Variants in ADAM18 observed in about 807,000 individuals in gnomAD.
ADAM18 encodes the protein disintegrin and metalloproteinase domain-containing protein 18.
Under a neutral mutation model 94.4 loss-of-function variants are expected in ADAM18, and 117 were observed. That is an observed-to-expected ratio of 1.24 (90% CI 1.07 to 1.45). The LOEUF (loss-of-function observed/expected upper bound fraction) is 1.45. ADAM18 is among the 40% of genes most tolerant of loss of function. The pLI is 0.00. For synonymous variants in ADAM18, 327 were observed against 291.6 expected (o/e 1.12, Z -1.24); for missense variants, 936 against 880.0 (o/e 1.06, Z -0.81).
At chr8:39,600,134 T>C (rs1338055677) in intron 2 of ADAM18, among the ~76,000 whole-genome samples, 2 of 152,190 alleles carry the variant, frequency 1.3e-5, no homozygotes, top group Non-Finnish European at 2.9e-5. Context: ...TAAAAACATA[T>C]AAATTTGTAA....
chr8:39,680,053 A>G lies in ADAM18; in HGVS notation c.1648A>G (p.Lys550Glu), dbSNP rs1338493248. Residue 550 changes from lysine to glutamate, a missense_variant, in exon 16 of 20, where the codon AAA becomes GAA. By Grantham distance (56) the Lys-to-Glu change is moderately conservative. Transcript: ENST00000265707. Reference sequence around the variant, plus strand: ...CACTTCCAGGGATGTTCTCTGTGGAAAATTAGCTTGTGTTCAGCCACATAA... The same window carrying G: ...CACTTCCAGGGATGTTCTCTGTGGAGAATTAGCTTGTGTTCAGCCACATAA... ...PCERKDVLCGKLACVQPHKNA... is the reference protein window; with the variant it reads ...PCERKDVLCGELACVQPHKNA... The G allele has an allele frequency of 1.2e-6, 2 of 1,613,552 alleles. No homozygotes were observed. Among genetic ancestry groups the G allele is most frequent in the African/African-American group, 2.7e-5 (2 of 74,892 alleles).
At chr8:39,591,366 ATCT>A (rs971148097) in intron 2 of ADAM18, among the ~76,000 whole-genome samples, 1 of 152,194 alleles carries the variant, frequency 6.6e-6, no homozygotes, top group African/African-American at 2.4e-5. Flanking sequence ...ATTGGACTCA[ATCT>A]TCTCCAACCC....
Position 39,680,251 on chromosome 8 carries a change from T to C in ADAM18, c.1821+25T>C, listed in dbSNP as rs767152621. ...GGTAACAAAATGTGATAATTTATAT[T>C]CAGCTGTGTTAAATTATGTGAATTA... On this transcript the variant is annotated intron_variant, in intron 16 of 19. Transcript: ENST00000265707. 11 of 1,590,824 alleles carry C rather than the reference T, an allele frequency of 6.9e-6. No individual in the cohort carries two copies. The Admixed American group carries it at 1.6e-4, about 23-fold the overall frequency.
intron 13 of ADAM18, 36 bp from the exon 14 acceptor site, chr8:39,667,962 T>C (rs1234003032): frequency 6.3e-7 from 1 of 1,585,942 alleles, no homozygotes; most frequent in African/African-American, 1.3e-5. Flanking sequence ...AAAAATGATT[T>C]ACAGAACTTA....
In ADAM18 at chr8:39,629,355, C is replaced by T. The variant is rs371696739; in HGVS notation, c.523-19C>T. The stretch of plus-strand genomic sequence containing the variant: ...ATACATGTTAACATTTTATAAATCC[C>T]GTTGTTGTTGTTTTCCAGATAAAAA... On this transcript the variant is annotated intron_variant, in intron 6 of 19. Coordinates refer to ENST00000265707, the MANE Select transcript of ADAM18 (RefSeq NM_014237.3). The T allele has an allele frequency of 1.0e-5, 16 of 1,527,084 alleles. No individual in the cohort carries two copies. The East Asian group carries it at 1.9e-4, about 18-fold the overall frequency. 94.6% of individuals were successfully genotyped at this position (1,527,084 alleles called of 1,614,324 possible). A position where few individuals can be genotyped will look rare whatever the true frequency, so the allele number is the denominator to read the frequency against.
At chr8:39,623,603 T>C (rs1349478867) in intron 6 of ADAM18, among the ~76,000 whole-genome samples, 4 of 152,156 alleles carry the variant, frequency 2.6e-5, no homozygotes, top group African/African-American at 9.7e-5. Flanking sequence ...TTTTTGTTTT[T>C]GTTTTTGTTT....
chr8:39,658,789 A>G (rs140325905), intron 12 of ADAM18, among the ~76,000 whole-genome samples: 125 of 152,262 alleles, frequency 8.2e-4, no homozygotes, highest in African/African-American at 2.9e-3. Context: ...AGTAAAAATA[A>G]CACTGCATTA....
At chr8:39,649,651 A>C (rs1025122526) in intron 12 of ADAM18, among the ~76,000 whole-genome samples, 2 of 152,072 alleles carry the variant, frequency 1.3e-5, no homozygotes, top group African/African-American at 4.8e-5. Context: ...TTCCCTTTAT[A>C]TTTGCTGTTC....
At chr8:39,652,810 A>C (rs1054065874) in intron 12 of ADAM18, among the ~76,000 whole-genome samples, 10 of 152,186 alleles carry the variant, frequency 6.6e-5, no homozygotes, top group African/African-American at 2.4e-4. Flanking sequence ...ATGGATTAAA[A>C]ATCTGGTAGA....
chr8:39,603,649 A>G (rs912405797), intron 2 of ADAM18, among the ~76,000 whole-genome samples: 5 of 152,196 alleles, frequency 3.3e-5, no homozygotes, highest in African/African-American at 1.2e-4. Flanking sequence ...TTGGAAATAA[A>G]CCTGCAACAT....
chr8:39,606,364 TA>T lies in ADAM18; in HGVS notation c.188+4del. 6.5e-7 allele frequency: 1 copy of T among 1,539,348 alleles called. No individual in the cohort carries two copies. The highest frequency in any genetic ancestry group is 8.8e-7 in the Non-Finnish European group (1 of 1,134,560). On this transcript the variant is annotated splice_donor_region_variant and intron_variant, in intron 3 of 19. Coordinates refer to ENST00000265707, the MANE Select transcript of ADAM18 (RefSeq NM_014237.3). ...TTACACTCTACATCTCGGAAAACAG[TA>T]AGATATGATTTTTTTTTCATTAAGG...
At chr8:39,624,529 A>G (rs1361484588) in intron 6 of ADAM18, among the ~76,000 whole-genome samples, 1 of 152,122 alleles carries the variant, frequency 6.6e-6, no homozygotes, top group Non-Finnish European at 1.5e-5. Flanking sequence ...TACCAGTACA[A>G]TGCTATTTTG....
chr8:39,670,959 A>T (rs1821137716), intron 14 of ADAM18, among the ~76,000 whole-genome samples: 1 of 152,246 alleles, frequency 6.6e-6, no homozygotes, highest in Non-Finnish European at 1.5e-5. Flanking sequence ...CAGGTTATTT[A>T]TACCACACAG....
rs1354703271 is a variant in ADAM18, at chr8:39,638,457, T to TAAAAAAAACTATATAATA, written c.828-6_828-5insAAAAAACTATATAATAAA. The TAAAAAAAACTATATAATA allele has an allele frequency of 6.5e-7, 1 of 1,529,542 alleles. No homozygotes were observed. The allele number at this position is 1,529,542 out of a possible 1,614,324, so 94.7% of individuals were successfully genotyped here. A position where few individuals can be genotyped will look rare whatever the true frequency, so the allele number is the denominator to read the frequency against. ...TAACTACGTTAATAAAAAATTATAA[T>TAAAAAAAACTATATAATA]AATGTAGTTACAGGAAACATCCTAA... is the stretch of plus-strand genomic sequence containing the variant. On this transcript the variant is annotated splice_polypyrimidine_tract_variant and splice_region_variant and intron_variant, in intron 9 of 19. Transcript: ENST00000265707.
chr8:39,682,485 A>G (rs1821491697), intron 16 of ADAM18, among the ~76,000 whole-genome samples: 1 of 152,206 alleles, frequency 6.6e-6, no homozygotes, highest in Non-Finnish European at 1.5e-5. Flanking sequence ...AGGAAGGAAT[A>G]CTTAGAGAGT....
intron 19 of ADAM18, among the ~76,000 whole-genome samples, chr8:39,724,727 T>C (rs1822852420): frequency 6.6e-6 from 1 of 151,918 alleles, no homozygotes; most frequent in South Asian, 2.1e-4. Flanking sequence ...CTTAGCTGCA[T>C]TCTATACGTT....
chr8:39,675,816 A>T (rs1446473658), intron 14 of ADAM18, among the ~76,000 whole-genome samples: 1 of 152,150 alleles, frequency 6.6e-6, no homozygotes, highest in Non-Finnish European at 1.5e-5. Flanking sequence ...TTTGGTGTAG[A>T]TGACCTTTTT....
intron 2 of ADAM18, among the ~76,000 whole-genome samples, chr8:39,606,097 T>C (rs895470325): frequency 6.6e-6 from 1 of 152,132 alleles, no homozygotes; most frequent in Non-Finnish European, 1.5e-5. Context: ...CCCCTTCACT[T>C]TTATTTTAAA....
At chr8:39,723,637 C>T in intron 18 of ADAM18, 111 bp from the exon 19 acceptor site, 1 of 675,836 alleles carries the variant, frequency 1.5e-6, no homozygotes. Flanking sequence ...TAGTAGTTTG[C>T]AATGCATTAA....
Sources: allele counts gnomAD v4.1 joint callset (sites outside exome capture counted in the v4.1 genomes callset), GRCh38; gene constraint gnomAD v4.1.1; transcripts MANE v1.5; gene names NCBI Gene and HGNC (gene_info 2026-07-23, HGNC 2026-07-21).